Variants in GABRA6 observed in about 807,000 individuals in gnomAD.
GABRA6 encodes the protein gamma-aminobutyric acid receptor subunit alpha-6.
In GABRA6, 45 loss-of-function variants were observed where a neutral mutation model predicts 47.3. The observed-to-expected ratio is 0.95, with a 90% CI of 0.75 to 1.22. The LOEUF (loss-of-function observed/expected upper bound fraction) is 1.22, where lower values mean the gene tolerates loss of function less well. Among genes scored for constraint, GABRA6 ranks in the 50% most tolerant of loss-of-function variants. GABRA6 has a pLI of 0.00. For missense variants in GABRA6, 583 were observed against 549.3 expected, an observed-to-expected ratio of 1.06 and a Z score of -0.61; for synonymous variants, 219 against 194.7, an observed-to-expected ratio of 1.12 and a Z score of -1.04.
At chr5:161,687,634 G>A (rs967914315) in intron 3 of GABRA6, 21 of 405,000 alleles carry the variant, frequency 5.2e-5, no homozygotes, top group African/African-American at 4.2e-4. Context: ...CGGTTCTCAG[G>A]TGGCATTTCT....
rs764542098 is a variant in GABRA6 at position 161,688,937 on chromosome 5, A to G, written c.226-12A>G. 1.9e-6 allele frequency: 3 copies of G among 1,605,324 alleles called. No individual in the cohort carries two copies. Among genetic ancestry groups the G allele is most frequent in the Non-Finnish European group, 1.7e-6 (2 of 1,172,710 alleles). Reference sequence around the variant, plus strand: ...TCTTTCCAGCCCACACAAATATTTTATTTTCTCTTAGGAGTATACGATGGA... The same window carrying G: ...TCTTTCCAGCCCACACAAATATTTTGTTTTCTCTTAGGAGTATACGATGGA... On this transcript the variant is annotated splice_polypyrimidine_tract_variant and intron_variant, in intron 3 of 8. Transcript: ENST00000274545.
chr5:161,690,365 A>G lies in GABRA6; in HGVS notation c.826+12A>G, dbSNP rs367920975. On this transcript the variant is annotated intron_variant, in intron 7 of 8. Coordinates refer to ENST00000274545, the MANE Select transcript of GABRA6 (RefSeq NM_000811.3). ...AAGAACTGTTTTTGGTATATGTCAC[A>G]TTTTGTACTTCACGTACATTCATCC... is the stretch of plus-strand genomic sequence containing the variant. The G allele has an allele frequency of 1.4e-5, 23 of 1,611,578 alleles. No homozygotes were observed. The highest frequency in any genetic ancestry group is 1.6e-5 in the Non-Finnish European group (19 of 1,179,052).
At position 161,690,334 on chromosome 5, in the gene GABRA6, C is replaced by T. The variant is rs376167806; in HGVS notation, c.807C>T (p.Val269=). The T allele has an allele frequency of 1.1e-5, 17 of 1,613,564 alleles. No individual in the cohort carries two copies. In the South Asian group the frequency reaches 1.8e-4, roughly 17 times the overall value. ...QVSFWINKES[V]PARTVFGITT... The stretch of plus-strand genomic sequence containing the variant: ...CTTTCTGGATTAATAAGGAGTCCGT[C>T]CCAGCAAGAACTGTTTTTGGTATAT... The change falls in exon 7 of 9, where the codon GTC becomes GTT. Residue 269 remains valine (V), a synonymous_variant. Transcript: ENST00000274545.
At chr5:161,687,146 A>G (rs1176301219) in intron 3 of GABRA6, 143 bp downstream of exon 3, 1 of 737,624 alleles carries the variant, frequency 1.4e-6, no homozygotes, top group Non-Finnish European at 2.5e-6. Context: ...GGGCATGACC[A>G]TTAGAATGGA....
intron 8 of GABRA6, among the ~76,000 whole-genome samples, chr5:161,700,837 T>C (rs1038670326): frequency 2.0e-5 from 3 of 152,166 alleles, no homozygotes; most frequent in African/African-American, 7.2e-5. Context: ...GAGTGTACAA[T>C]ATAGAAATTC....
intron 8 of GABRA6, among the ~76,000 whole-genome samples, chr5:161,693,924 T>C (rs1581123430): frequency 6.6e-6 from 1 of 152,178 alleles, no homozygotes; most frequent in Middle Eastern, 3.2e-3. Flanking sequence ...GACTGAAATA[T>C]GCCAGGGTGC....
At chr5:161,695,617 C>G (rs1252900393) in intron 8 of GABRA6, among the ~76,000 whole-genome samples, 1 of 152,084 alleles carries the variant, frequency 6.6e-6, no homozygotes, top group African/African-American at 2.4e-5. Flanking sequence ...GCCCTTATCA[C>G]TATGTTCCTG....
chr5:161,689,715 A>C lies in GABRA6; in HGVS notation c.609A>C (p.Ser203=), dbSNP rs1754760329. 1.9e-6 allele frequency: 3 copies of C among 1,611,656 alleles called. No homozygotes were observed. Among genetic ancestry groups the C allele is most frequent in the Non-Finnish European group, 2.5e-6 (3 of 1,177,900 alleles). ...CAGTAGAAGTCCCAGAAGAATCTTC[A>C]AGCCTTCTCCAGTATGATCTGATTG... The part of the protein sequence containing the change: ...LYSVEVPEES[S]SLLQYDLIGQ... The change falls in exon 6 of 9, where the codon TCA becomes TCC. Residue 203 remains serine (S), a synonymous_variant. Transcript: ENST00000274545.
At chr5:161,693,123 C>A (rs994383110) in intron 8 of GABRA6, among the ~76,000 whole-genome samples, 2 of 152,154 alleles carry the variant, frequency 1.3e-5, no homozygotes, top group African/African-American at 2.4e-5. Flanking sequence ...TTCTAGTAAG[C>A]ATTTCCATAT....
chr5:161,688,120 G>GGTCC (rs1173647663), intron 3 of GABRA6, among the ~76,000 whole-genome samples: 1 of 152,010 alleles, frequency 6.6e-6, no homozygotes, highest in Non-Finnish European at 1.5e-5. Context: ...TTGTGCAATA[G>GGTCC]GTCCCTATTA....
chr5:161,686,866 G>T, intron 2 of GABRA6, 70 bp from the exon 3 acceptor site: 1 of 1,306,972 alleles, frequency 7.7e-7, no homozygotes, highest in East Asian at 2.3e-5. Context: ...GGGTTTGGTG[G>T]TAGAGGGCTG....
chr5:161,694,309 GA>G (rs201591796), intron 8 of GABRA6, among the ~76,000 whole-genome samples: 48 of 132,428 alleles, frequency 3.6e-4, no homozygotes, highest in Middle Eastern at 3.8e-3. Context: ...TAGTAAGAGT[GA>G]AAAAAAAAAA....
Position 161,700,469 on chromosome 5 carries a change from C to A in GABRA6, c.1087-1029C>A, listed in dbSNP as rs76748659. 1.2e-4 allele frequency among the ~76,000 whole-genome samples: 19 copies of A among 152,268 alleles called. No individual in the cohort carries two copies. The East Asian group carries it at 3.5e-3, about 28-fold the overall frequency. ...CAGAGGAGGGCCCCCTAGACACCAA[C>A]GGCATGAAAGGAATCTAAATCAAAC... On this transcript the variant is annotated intron_variant, in intron 8 of 8. Transcript: ENST00000274545.
At position 161,686,897 on chromosome 5, in the gene GABRA6, A is replaced by T. The variant is rs1754711789; in HGVS notation, c.158-39A>T. The T allele has an allele frequency of 2.6e-6, 4 of 1,552,094 alleles. No individual in the cohort carries two copies. The East Asian group carries it at 9.0e-5, about 35-fold the overall frequency. On this transcript the variant is annotated intron_variant, in intron 2 of 8. Coordinates refer to ENST00000274545, the MANE Select transcript of GABRA6 (RefSeq NM_000811.3). The stretch of plus-strand genomic sequence containing the variant: ...GGCTGAGATCAATCCCCTTAACATC[A>T]GTGGTGATAATTGTTTCATCCCTCT...
At chr5:161,694,916 C>G (rs1203420116) in intron 8 of GABRA6, among the ~76,000 whole-genome samples, 1 of 152,084 alleles carries the variant, frequency 6.6e-6, no homozygotes, top group Non-Finnish European at 1.5e-5. Context: ...GAGGAACAAA[C>G]ATAAATTACA....
In GABRA6 at chr5:161,689,509, A is replaced by T. The variant is rs1177171233; in HGVS notation, c.530-127A>T. On this transcript the variant is annotated intron_variant, in intron 5 of 8. Transcript: ENST00000274545. ...TCATAAATTGAGGCTTTAGTCACCA[A>T]GATTAAAGAAAACATTAAATACAAT... The T allele has an allele frequency of 1.1e-5, 12 of 1,082,834 alleles. No homozygotes were observed. The East Asian group carries it at 2.8e-4, about 25-fold the overall frequency. 67.1% of individuals were successfully genotyped at this position (1,082,834 alleles called of 1,614,324 possible).
At position 161,701,634 on chromosome 5, in the gene GABRA6, C is replaced by A. The variant is rs375047095; in HGVS notation, c.1223C>A (p.Ser408Ter). ...ACACCTGTCACACCCCCACCACTCT[C>A]GCCAGCCTTTGGAGGCACCAGTAAA... ...QSTPVTPPPL[S>*]PAFGGTSKID... Residue 408 changes from serine (S) to a stop codon, truncating the protein, a stop_gained, in exon 9 of 9, where the codon TCG (serine) becomes TAG (stop). Transcript: ENST00000274545. LOFTEE classifies it high-confidence loss of function. 6.2e-7 allele frequency: 1 copy of A among 1,614,082 alleles called. No individual in the cohort carries two copies. The highest frequency in any genetic ancestry group is 8.5e-7 in the Non-Finnish European group (1 of 1,180,050).
intron 8 of GABRA6, among the ~76,000 whole-genome samples, chr5:161,695,100 G>T (rs895588890): frequency 2.0e-5 from 3 of 152,034 alleles, no homozygotes; most frequent in African/African-American, 7.2e-5. Flanking sequence ...TAAGTGCTTG[G>T]ATATTTCATG....
chr5:161,693,117 A>G (rs1754828083), intron 8 of GABRA6, among the ~76,000 whole-genome samples: 1 of 152,214 alleles, frequency 6.6e-6, no homozygotes, highest in Non-Finnish European at 1.5e-5. Context: ...GATCCATTCT[A>G]GTAAGCATTT....
Sources: gnomAD v4.1 joint callset for allele counts (sites outside exome capture counted in the v4.1 genomes callset) on GRCh38, gnomAD v4.1.1 for gene constraint, MANE v1.5 for transcripts, NCBI Gene and HGNC (gene_info 2026-07-23, HGNC 2026-07-21) for gene names.